Variants in SLC6A9 observed in about 807,000 individuals in gnomAD.
SLC6A9 encodes solute carrier family 6 member 9, also known as sodium- and chloride-dependent glycine transporter 1.
SLC6A9 carries 31 observed loss-of-function variants against 70.9 expected under a neutral mutation model. The observed-to-expected ratio is 0.44, with a 90% confidence interval of 0.33 to 0.59. SLC6A9 has a LOEUF of 0.59. SLC6A9 is among the 20% of genes least tolerant of loss of function. The pLI is 0.04. For missense variants in SLC6A9, 631 were observed against 845.2 expected, an observed-to-expected ratio of 0.75 and a Z score of 3.14; for synonymous variants, 310 against 341.3, an observed-to-expected ratio of 0.91 and a Z score of 1.01.
At chr1:44,022,687 T>C (rs993886328) in intron 2 of SLC6A9, among the ~76,000 whole-genome samples, 2 of 147,608 alleles carry the variant, frequency 1.4e-5, no homozygotes, top group African/African-American at 5.1e-5. Context: ...CACAAACTGC[T>C]GTTTTTTAAT....
intron 2 of SLC6A9, chr1:44,017,235 C>T (rs1013452691): frequency 1.1e-5 from 17 of 1,520,078 alleles, no homozygotes; most frequent in Non-Finnish European, 1.5e-5. Context: ...CCTCCCGAAG[C>T]TCTGCCTACC....
intron 12 of SLC6A9, among the ~76,000 whole-genome samples, chr1:43,998,252 C>T (rs2085954210): frequency 6.6e-6 from 1 of 152,208 alleles, no homozygotes; most frequent in South Asian, 2.1e-4. Context: ...TCTGTCTTTG[C>T]CACAGTCCTG....
Position 44,024,352 on chromosome 1 carries a change from G to C in SLC6A9, c.-75C>G. ...TGCTTCCAGCGCCTTTCAGGCCACAGATCTCAAGAGCTGTGGAGAGAGCAG... is the reference window on the plus strand; with the variant it reads ...TGCTTCCAGCGCCTTTCAGGCCACACATCTCAAGAGCTGTGGAGAGAGCAG... On this transcript the variant is annotated 5_prime_UTR_variant, in exon 2 of 14. In the 5' UTR this introduces an upstream ATG that the reference lacks. Transcript: ENST00000372310. The C allele has an allele frequency of 6.4e-7, 1 of 1,563,158 alleles. No individual in the cohort carries two copies. Among genetic ancestry groups the C allele is most frequent in the Non-Finnish European group, 8.8e-7 (1 of 1,133,722 alleles).
intron 4 of SLC6A9, among the ~76,000 whole-genome samples, chr1:44,009,347 G>C (rs2086460635): frequency 6.6e-6 from 1 of 151,968 alleles, no homozygotes; most frequent in Admixed American, 6.6e-5. Flanking sequence ...AGCCCCCAGA[G>C]TAGCTAGGAC....
intron 2 of SLC6A9, among the ~76,000 whole-genome samples, chr1:44,019,501 G>T (rs374467677): frequency 7.2e-4 from 110 of 152,366 alleles, no homozygotes; most frequent in African/African-American, 2.2e-3. Context: ...GCGCTGGCTG[G>T]GCCACTGGCT....
Position 44,002,364 on chromosome 1 carries a change from C to A in SLC6A9, c.911G>T (p.Gly304Val), listed in dbSNP as rs758537515. 1.2e-6 allele frequency: 2 copies of A among 1,614,112 alleles called. No individual in the cohort carries two copies. Among genetic ancestry groups the A allele is most frequent in the Admixed American group, 3.3e-5 (2 of 60,026 alleles). The change falls in exon 8 of 14, where the codon GGA becomes GTA. Residue 304 changes from glycine to valine, a missense_variant. Coordinates refer to ENST00000372310, the MANE Select transcript of SLC6A9 (RefSeq NM_001024845.3). This position sits in a 1 kb window ranked among gnomAD's most constrained non-coding sequence, Gnocchi z 5.5. ...QIFYSLGCAWGGLITMASYNK... is the reference protein window; with the variant it reads ...QIFYSLGCAWVGLITMASYNK... ...GTAGGAAGCCATGGTGATGAGGCCT[C>A]CCCACGCGCAGCCCAGTGAGTAGAA...
rs1248782739 is a variant in SLC6A9, at chr1:44,013,934, G to A, written c.31-3052C>T. Among the ~76,000 whole-genome samples the A allele has an allele frequency of 2.1e-4, 32 of 152,036 alleles. No individual in the cohort carries two copies. The highest frequency in any genetic ancestry group is 2.1e-3 in the Admixed American group (32 of 15,260). ...TAATCTTTCCTATTCTAAGCCTCTA[G>A]TTTTTCTTGATCTGCTGGGTGGACG... On this transcript the variant is annotated intron_variant, in intron 2 of 13. Transcript: ENST00000372310. This position sits in a 1 kb window ranked among gnomAD's most constrained non-coding sequence, Gnocchi z 5.3.
At chr1:44,010,253 C>T in intron 3 of SLC6A9, 157 bp from the exon 4 acceptor site, 1 of 659,366 alleles carries the variant, frequency 1.5e-6, no homozygotes, top group East Asian at 2.8e-5. Flanking sequence ...GGCACACCAC[C>T]CCCAGCCTGT....
At chr1:44,011,984 A>G (rs564849963) in intron 2 of SLC6A9, among the ~76,000 whole-genome samples, 1 of 152,320 alleles carries the variant, frequency 6.6e-6, no homozygotes, top group East Asian at 1.9e-4. Context: ...GGGTCTCACT[A>G]AGGAGACAGG....
chr1:44,001,279 A>G lies in SLC6A9; in HGVS notation c.1220T>C (p.Leu407Pro). 6.2e-7 allele frequency: 1 copy of G among 1,614,236 alleles called. No individual in the cohort carries two copies. Among genetic ancestry groups the G allele is most frequent in the South Asian group, 1.1e-5 (1 of 91,082 alleles). The part of the protein sequence containing the change: ...LGTQFCLLET[L>P]VTAIVDEVGN... ...CACCTCATCCACAATGGCTGTGACCAGCGTCTCCAGGAGGCAGAACTGCAG... is the reference window on the plus strand; with the variant it reads ...CACCTCATCCACAATGGCTGTGACCGGCGTCTCCAGGAGGCAGAACTGCAG... The change falls in exon 10 of 14, where the codon CTG (leucine) becomes CCG (proline). Residue 407 changes from leucine to proline, a missense_variant. Transcript: ENST00000372310.
At chr1:44,022,722 C>T (rs75580535) in intron 2 of SLC6A9, among the ~76,000 whole-genome samples, 35,056 of 118,532 alleles carry the variant, frequency 0.3, 9,506 homozygotes, top group African/African-American at 0.72. Flanking sequence ...TTCTTTCTTT[C>T]TTTTTTTTTT....
intron 2 of SLC6A9, among the ~76,000 whole-genome samples, chr1:44,023,281 C>T (rs942313106): frequency 6.6e-6 from 1 of 152,150 alleles, no homozygotes; most frequent in Non-Finnish European, 1.5e-5. Context: ...CAGGATTTGG[C>T]ATCATTTTCT....
At chr1:44,007,186 T>C (rs908950460) in intron 5 of SLC6A9, among the ~76,000 whole-genome samples, 19 of 152,120 alleles carry the variant, frequency 1.2e-4, no homozygotes, top group African/African-American at 4.1e-4. Flanking sequence ...CCCATCCCCT[T>C]AGCACCAAGC....
chr1:44,027,488 C>T (rs762647218), intron 1 of SLC6A9, among the ~76,000 whole-genome samples: 3 of 152,192 alleles, frequency 2.0e-5, no homozygotes, highest in Non-Finnish European at 4.4e-5. Context: ...TTTTCCACAG[C>T]CAACAGGATA....
rs200955735 is a variant in SLC6A9 at position 44,000,844 on chromosome 1, T to G, written c.1459A>C (p.Ile487Leu). The G allele has an allele frequency of 2.5e-6, 4 of 1,611,046 alleles. No homozygotes were observed. The highest frequency in any genetic ancestry group is 3.4e-6 in the Non-Finnish European group (4 of 1,178,678). ...IYGHRNYFQD[I>L]QMMLGFPPPL... ...GGTGGGAATCCCAGCATCATCTGGA[T>G]GTCCTGGAAGTAGTTCCGGTGCCCT... Residue 487 changes from isoleucine to leucine, a missense_variant, in exon 12 of 14, where the codon ATC becomes CTC. Transcript: ENST00000372310.
In SLC6A9 at chr1:44,002,857, C is replaced by T; in HGVS notation, c.719G>A (p.Gly240Glu). 1 of 1,614,068 alleles carries T rather than the reference C, an allele frequency of 6.2e-7. No individual in the cohort carries two copies. Among genetic ancestry groups the T allele is most frequent in the Non-Finnish European group, 8.5e-7 (1 of 1,180,006 alleles). Residue 240 changes from glycine (G) to glutamate (E), a missense_variant, in exon 6 of 14, where the codon GGG becomes GAG. Coordinates refer to ENST00000372310, the MANE Select transcript of SLC6A9 (RefSeq NM_001024845.3). The surrounding 1 kb of genome is among the most constrained non-coding windows in gnomAD (Gnocchi z 5.5). ...LCLIRGVKSSGKVVYFTATFP... is the reference protein window; with the variant it reads ...LCLIRGVKSSEKVVYFTATFP... ...CTGCTGGGGAGGGGTACTTGCTTTC[C>T]CTGAAGACTTGACCCCTCGGATGAG...
chr1:44,008,712 T>A, intron 4 of SLC6A9, 89 bp from the exon 5 acceptor site: 1 of 864,364 alleles, frequency 1.2e-6, no homozygotes. Context: ...TTTCTTTTCT[T>A]TTTTTTTTTT....
intron 12 of SLC6A9, among the ~76,000 whole-genome samples, chr1:43,999,188 T>C (rs558535497): frequency 6.6e-6 from 1 of 151,752 alleles, no homozygotes; most frequent in African/African-American, 2.4e-5. Flanking sequence ...GACAGAAGGG[T>C]GGAGTTTGTC....
At position 44,002,380 on chromosome 1, in the gene SLC6A9, G is replaced by A. The variant is rs754921583; in HGVS notation, c.895C>T (p.Leu299=). 6 of 1,614,170 alleles carry A rather than the reference G, an allele frequency of 3.7e-6. No homozygotes were observed. The East Asian group carries it at 1.1e-4, about 30-fold the overall frequency. ...GDAASQIFYS[L]GCAWGGLITM... The stretch of plus-strand genomic sequence containing the variant: ...ATGAGGCCTCCCCACGCGCAGCCCA[G>A]TGAGTAGAAGATCTGGGAGGCAGCA... The change falls in exon 8 of 14, where the codon CTG becomes TTG. Residue 299 remains leucine, a synonymous_variant. Coordinates refer to ENST00000372310, the MANE Select transcript of SLC6A9 (RefSeq NM_001024845.3). The surrounding 1 kb of genome is among the most constrained non-coding windows in gnomAD (Gnocchi z 5.5).
Sources: allele counts gnomAD v4.1 joint callset (sites outside exome capture counted in the v4.1 genomes callset), GRCh38; gene constraint gnomAD v4.1.1; non-coding constraint Gnocchi (gnomAD v3.1); transcripts MANE v1.5; gene names NCBI Gene and HGNC (gene_info 2026-07-23, HGNC 2026-07-21).